SPOCK1: variants seen among roughly 807,000 people sequenced by gnomAD.
SPOCK1 encodes testican-1.
In SPOCK1, 23 loss-of-function variants were observed where a neutral mutation model predicts 55.3. The observed-to-expected ratio is 0.42, with a 90% CI of 0.30 to 0.59. The LOEUF is 0.59. SPOCK1 is among the 20% of genes least tolerant of loss of function. The probability of loss-of-function intolerance (pLI) is 0.22; values close to 1 mark genes in which losing one functional copy is unlikely to be tolerated. For synonymous variants in SPOCK1, 226 were observed against 221.0 expected, an observed-to-expected ratio of 1.02 and a Z score of -0.20; for missense variants, 499 against 552.5, an observed-to-expected ratio of 0.90 and a Z score of 0.97.
At chr5:137,311,879 T>C (rs1210697891) in intron 2 of SPOCK1, among the ~76,000 whole-genome samples, 2 of 152,238 alleles carry the variant, frequency 1.3e-5, no homozygotes, top group African/African-American at 4.8e-5. Context: ...CTTTGCTTCA[T>C]ATCATTAAAT....
At chr5:137,324,029 T>C (rs1045047541) in intron 2 of SPOCK1, among the ~76,000 whole-genome samples, 2 of 152,210 alleles carry the variant, frequency 1.3e-5, no homozygotes, top group Non-Finnish European at 2.9e-5. Flanking sequence ...CATTCCCATG[T>C]CCAATGCAGC....
At chr5:137,434,480 C>CCTTTTTTTTTTT (rs1752814255) in intron 2 of SPOCK1, among the ~76,000 whole-genome samples, 1 of 68,188 alleles carries the variant, frequency 1.5e-5, no homozygotes, top group South Asian at 7.2e-4. Context: ...TCTTTTTTTT[C>CCTTTTTTTTTTT]TTTTTTTTTT....
At chr5:137,393,803 G>C (rs1751781262) in intron 2 of SPOCK1, among the ~76,000 whole-genome samples, 1 of 152,158 alleles carries the variant, frequency 6.6e-6, no homozygotes, top group African/African-American at 2.4e-5. Flanking sequence ...CTCAAGGCCA[G>C]GAACATTGTA....
At chr5:137,202,559 A>G (rs1561470301) in intron 3 of SPOCK1, among the ~76,000 whole-genome samples, 2 of 152,214 alleles carry the variant, frequency 1.3e-5, no homozygotes, top group Non-Finnish European at 2.9e-5. Context: ...GCATGTATAA[A>G]TGCCTCCAGG....
At chr5:137,261,151 C>G (rs1029869976) in intron 3 of SPOCK1, among the ~76,000 whole-genome samples, 10 of 152,110 alleles carry the variant, frequency 6.6e-5, no homozygotes, top group Non-Finnish European at 1.2e-4. Flanking sequence ...CCTATAAATG[C>G]TAATCAGAGG....
At chr5:137,054,330 T>C (rs991454672) in intron 6 of SPOCK1, among the ~76,000 whole-genome samples, 2 of 152,216 alleles carry the variant, frequency 1.3e-5, no homozygotes, top group African/African-American at 2.4e-5. Context: ...ATGCATTTTC[T>C]AGTGTATAAG....
intron 2 of SPOCK1, among the ~76,000 whole-genome samples, chr5:137,404,410 CT>C (rs67369576): frequency 0.73 from 85,089 of 117,112 alleles, 29,753 homozygotes; most frequent in East Asian, 0.82. Flanking sequence ...TTCAAAATGA[CT>C]TTTTTTTTTT....
At chr5:137,252,589 T>G (rs1055916581) in intron 3 of SPOCK1, among the ~76,000 whole-genome samples, 1 of 152,222 alleles carries the variant, frequency 6.6e-6, no homozygotes, top group Non-Finnish European at 1.5e-5. Flanking sequence ...CTCTTTCTCT[T>G]CCAGGGCAGG....
intron 4 of SPOCK1, among the ~76,000 whole-genome samples, chr5:137,121,177 A>G (rs1753675253): frequency 6.6e-6 from 1 of 152,234 alleles, no homozygotes; most frequent in Non-Finnish European, 1.5e-5. Flanking sequence ...CATTAAATGT[A>G]CGTCCCATAA....
intron 2 of SPOCK1, among the ~76,000 whole-genome samples, chr5:137,317,135 G>C (rs1400923699): frequency 6.6e-6 from 1 of 152,228 alleles, no homozygotes; most frequent in Admixed American, 6.5e-5. Context: ...TCTTTTGGCA[G>C]AGGTGAGTGC....
intron 6 of SPOCK1, among the ~76,000 whole-genome samples, chr5:137,041,165 T>C (rs2126991715): frequency 6.6e-6 from 1 of 152,054 alleles, no homozygotes; most frequent in East Asian, 1.9e-4. Context: ...AACAGATTAA[T>C]GGAACAGAAG....
chr5:137,138,054 T>A lies in SPOCK1; in HGVS notation c.347+2526A>T, dbSNP rs148084781. The stretch of plus-strand genomic sequence containing the variant: ...CTGTAAGAATTACTAGAGGATGTGT[T>A]CCAGCAAATGAAAAAGAGGAATGGT... On this transcript the variant is annotated intron_variant, in intron 4 of 10. Coordinates refer to ENST00000394945, the MANE Select transcript of SPOCK1 (RefSeq NM_004598.4). Among the ~76,000 whole-genome samples, 1,100 of 152,184 alleles carry A rather than the reference T, an allele frequency of 7.2e-3. 15 individuals carry two copies. Among genetic ancestry groups the A allele is most frequent in the African/African-American group, 0.024 (1,013 of 41,516 alleles).
chr5:136,986,705 C>CTAT (rs1750849214), intron 8 of SPOCK1, among the ~76,000 whole-genome samples: 1 of 151,844 alleles, frequency 6.6e-6, no homozygotes. Flanking sequence ...AAAAAAACAC[C>CTAT]TATTTCAGTT....
intron 2 of SPOCK1, among the ~76,000 whole-genome samples, chr5:137,368,909 G>T (rs1387664065): frequency 5.9e-5 from 9 of 152,222 alleles, no homozygotes; most frequent in Non-Finnish European, 1.2e-4. Flanking sequence ...AGCGGGGTTC[G>T]TGCAGCAAGC....
rs146323924 is a variant in SPOCK1, at chr5:137,231,940, C to T, written c.232+35070G>A. ...GTGATATCCCACTGTTACACTTTAA[C>T]TTGCATTTCCCTGATGATGGTGAAC... On this transcript the variant is annotated intron_variant, in intron 3 of 10. Coordinates refer to ENST00000394945, the MANE Select transcript of SPOCK1 (RefSeq NM_004598.4). Among the ~76,000 whole-genome samples the T allele has an allele frequency of 2.3e-4, 35 of 152,348 alleles. 1 individual carries two copies. The East Asian group carries it at 6.7e-3, about 29-fold the overall frequency.
chr5:137,184,649 G>A (rs1323583575), intron 3 of SPOCK1, among the ~76,000 whole-genome samples: 2 of 152,194 alleles, frequency 1.3e-5, no homozygotes, highest in African/African-American at 4.8e-5. Context: ...TATTGGGGCA[G>A]CCACATCACA....
intron 2 of SPOCK1, among the ~76,000 whole-genome samples, chr5:137,360,410 A>T (rs960773638): frequency 2.0e-5 from 3 of 152,240 alleles, no homozygotes; most frequent in Admixed American, 6.5e-5. Context: ...GAAGGCAGAC[A>T]GGATCCGGGA....
At chr5:137,015,677 A>C (rs1403147671) in intron 6 of SPOCK1, among the ~76,000 whole-genome samples, 3 of 152,198 alleles carry the variant, frequency 2.0e-5, no homozygotes, top group African/African-American at 7.2e-5. Flanking sequence ...GCACACATGC[A>C]TATGTAATAG....
At chr5:137,245,100 CT>C (rs1257033842) in intron 3 of SPOCK1, among the ~76,000 whole-genome samples, 5 of 152,312 alleles carry the variant, frequency 3.3e-5, no homozygotes, top group Admixed American at 6.5e-5. Flanking sequence ...CCTCCCACCC[CT>C]ATCCTCCGCA....
Sources: gnomAD v4.1 joint callset for allele counts (sites outside exome capture counted in the v4.1 genomes callset) on GRCh38, gnomAD v4.1.1 for gene constraint, MANE v1.5 for transcripts, NCBI Gene and HGNC (gene_info 2026-07-23, HGNC 2026-07-21) for gene names.